The following CSMD1 variants were observed in gnomAD, a reference collection of about 807,000 sequenced individuals.
CSMD1 encodes CUB and Sushi multiple domains 1.
CSMD1 carries 213 observed loss-of-function variants against 417.5 expected under a neutral mutation model. The observed-to-expected ratio is 0.51, with a 90% CI of 0.46 to 0.57. The LOEUF is 0.57. Among genes scored for constraint, CSMD1 ranks in the 20% least tolerant of loss-of-function variants. CSMD1 has a pLI of 0.00. For missense variants in CSMD1, 6,923 were observed against 4,529.7 expected (o/e 1.53, Z -15.17); for synonymous variants, 2,862 against 1,736.8 (o/e 1.65, Z -16.11).
In CSMD1 at chr8:3,564,789, A is replaced by G. The variant is rs1006762666; in HGVS notation, c.1344+10156T>C. On this transcript the variant is annotated intron_variant, in intron 10 of 69. Transcript: ENST00000635120. ...ACAATCGATCTTGAAAGGGGTGATG[A>G]CAGAGGTGTGAGAGGGAAGTAGTCA... 2.0e-5 allele frequency among the ~76,000 whole-genome samples: 3 copies of G among 152,062 alleles called. No homozygotes were observed. In the South Asian group the frequency reaches 6.2e-4, roughly 32 times the overall value.
At chr8:3,570,699 C>T (rs1403878158) in intron 10 of CSMD1, among the ~76,000 whole-genome samples, 1 of 152,166 alleles carries the variant, frequency 6.6e-6, no homozygotes, top group Non-Finnish European at 1.5e-5. Context: ...TTAGTTGGCT[C>T]TTCTGTTAGT....
chr8:2,986,371 G>A (rs528057540), intron 54 of CSMD1, among the ~76,000 whole-genome samples: 2 of 152,252 alleles, frequency 1.3e-5, no homozygotes, highest in African/African-American at 4.8e-5. Context: ...AGCATGAACT[G>A]TAAGACCTGC....
At chr8:3,589,651 C>T (rs1199592155) in intron 8 of CSMD1, among the ~76,000 whole-genome samples, 1 of 151,628 alleles carries the variant, frequency 6.6e-6, no homozygotes, top group African/African-American at 2.4e-5. Context: ...CAAAATTTCA[C>T]TTAGGAGAAA....
At chr8:4,061,430 G>A (rs1383517467) in intron 3 of CSMD1, among the ~76,000 whole-genome samples, 11 of 152,206 alleles carry the variant, frequency 7.2e-5, no homozygotes, top group Admixed American at 7.2e-4. Context: ...TCCAACCTGT[G>A]AAACTTTTAT....
intron 1 of CSMD1, among the ~76,000 whole-genome samples, chr8:4,702,412 C>A (rs573295805): frequency 7.9e-5 from 12 of 152,286 alleles, no homozygotes; most frequent in Non-Finnish European, 1.3e-4. Context: ...GTTTTGAAAA[C>A]AACCTTGAGT....
At chr8:4,454,969 C>T (rs1799380535) in intron 2 of CSMD1, among the ~76,000 whole-genome samples, 1 of 152,114 alleles carries the variant, frequency 6.6e-6, no homozygotes, top group Admixed American at 6.5e-5. Flanking sequence ...CTTCATGGAC[C>T]TGGGATGGCA....
intron 25 of CSMD1, among the ~76,000 whole-genome samples, chr8:3,305,641 C>T (rs1388113254): frequency 6.6e-6 from 1 of 152,142 alleles, no homozygotes; most frequent in Admixed American, 6.5e-5. Context: ...TTCCCATCCT[C>T]CAGAACTGTT....
intron 46 of CSMD1, among the ~76,000 whole-genome samples, chr8:3,102,656 C>G (rs1815841983): frequency 1.3e-5 from 2 of 152,224 alleles, no homozygotes; most frequent in Admixed American, 1.3e-4. Context: ...GCCACTCTCA[C>G]CAATGCAGGC....
chr8:3,898,110 T>A (rs1410964580), intron 5 of CSMD1, among the ~76,000 whole-genome samples: 1 of 152,240 alleles, frequency 6.6e-6, no homozygotes, highest in East Asian at 1.9e-4. Flanking sequence ...ACCCAATTTC[T>A]CACCATATAG....
chr8:4,079,344 A>G (rs1217489117), intron 3 of CSMD1, among the ~76,000 whole-genome samples: 2 of 152,194 alleles, frequency 1.3e-5, no homozygotes, highest in African/African-American at 2.4e-5. Flanking sequence ...GGAACGAAAT[A>G]TACTTTCCAT....
At chr8:3,760,088 G>A (rs527302506) in intron 5 of CSMD1, among the ~76,000 whole-genome samples, 1 of 152,010 alleles carries the variant, frequency 6.6e-6, no homozygotes, top group Non-Finnish European at 1.5e-5. Flanking sequence ...TAAAAAACAA[G>A]GGGGTTGAGA....
At chr8:3,115,706 G>C (rs962370110) in intron 42 of CSMD1, among the ~76,000 whole-genome samples, 1 of 152,040 alleles carries the variant, frequency 6.6e-6, no homozygotes, top group Non-Finnish European at 1.5e-5. Context: ...TTCTTATGCA[G>C]CTTAACATGT....
intron 3 of CSMD1, among the ~76,000 whole-genome samples, chr8:4,150,719 T>A (rs1796524266): frequency 6.6e-6 from 1 of 152,272 alleles, no homozygotes; most frequent in South Asian, 2.1e-4. Context: ...GAAAGCAGAT[T>A]CAGAATGCAG....
intron 3 of CSMD1, among the ~76,000 whole-genome samples, chr8:4,246,582 TCTC>T (rs1429488198): frequency 6.6e-6 from 1 of 152,164 alleles, no homozygotes; most frequent in Non-Finnish European, 1.5e-5. Context: ...TATTTGCAAT[TCTC>T]CTGTAGAATT....
At position 3,112,859 on chromosome 8, in the gene CSMD1, T is replaced by C. The variant is rs554765315; in HGVS notation, c.6431-2524A>G. 7.9e-5 allele frequency: 12 copies of C among 152,378 alleles called. No individual in the cohort carries two copies. In the South Asian group the frequency reaches 2.5e-3, roughly 32 times the overall value. The allele number at this position is 152,378 out of a possible 1,614,324, so 9.4% of individuals were successfully genotyped here. Reference sequence around the variant, plus strand: ...AAATTCTCTCAAAGCAAAATCCTGTTGCCCTCCCACTGGGTAGTCCAGAGA... The same window carrying C: ...AAATTCTCTCAAAGCAAAATCCTGTCGCCCTCCCACTGGGTAGTCCAGAGA... On this transcript the variant is annotated intron_variant, in intron 42 of 69. Coordinates refer to ENST00000635120, the MANE Select transcript of CSMD1 (RefSeq NM_033225.6).
At chr8:2,950,501 A>C (rs1802556584) in intron 66 of CSMD1, among the ~76,000 whole-genome samples, 158 bp from the exon 67 acceptor site, 1 of 152,178 alleles carries the variant, frequency 6.6e-6, no homozygotes, top group Non-Finnish European at 1.5e-5. Context: ...TTAGCTTAGG[A>C]GCTTCCATTT....
At chr8:4,806,881 T>A (rs1326449610) in intron 1 of CSMD1, among the ~76,000 whole-genome samples, 16 of 152,174 alleles carry the variant, frequency 1.1e-4, no homozygotes, top group Admixed American at 1.0e-3. Context: ...AAAGATGGTC[T>A]TACCCTTCCT....
chr8:3,422,374 C>G (rs546526472), intron 12 of CSMD1, among the ~76,000 whole-genome samples: 7 of 152,094 alleles, frequency 4.6e-5, no homozygotes, highest in Non-Finnish European at 1.0e-4. Flanking sequence ...AACCAAGAAT[C>G]TTGGATTTGG....
intron 5 of CSMD1, among the ~76,000 whole-genome samples, chr8:3,818,868 G>A (rs1224833785): frequency 1.3e-5 from 2 of 152,126 alleles, no homozygotes; most frequent in Non-Finnish European, 2.9e-5. Flanking sequence ...TAACAGCCTT[G>A]CTCACACTTC....
Sources: gnomAD v4.1 joint callset for allele counts (sites outside exome capture counted in the v4.1 genomes callset) on GRCh38, gnomAD v4.1.1 for gene constraint, MANE v1.5 for transcripts, NCBI Gene and HGNC (gene_info 2026-07-23, HGNC 2026-07-21) for gene names.